Variants in ZNF786 observed in about 807,000 individuals in gnomAD.
ZNF786 encodes zinc finger protein 786.
A neutral mutation model predicts 63.1 loss-of-function variants in ZNF786; 56 were observed. The observed-to-expected ratio is 0.89, with a 90% confidence interval of 0.72 to 1.11. ZNF786 has a LOEUF of 1.11. ZNF786 is among the 50% of genes least tolerant of loss of function. The pLI is 0.00. For missense variants in ZNF786, 1,213 were observed against 1,041.8 expected (o/e 1.16, Z -2.26); for synonymous variants, 485 against 406.9 (o/e 1.19, Z -2.31).
rs1486635430 is a variant in ZNF786, at chr7:149,070,527, C to T, written c.2245G>A (p.Glu749Lys). The T allele has an allele frequency of 6.2e-7, 1 of 1,613,918 alleles. No individual in the cohort carries two copies. The highest frequency in any genetic ancestry group is 8.5e-7 in the Non-Finnish European group (1 of 1,179,912). Residue 749 changes from glutamate to lysine, a missense_variant, in exon 4 of 4, where the codon GAG (glutamate) becomes AAG (lysine). Coordinates refer to ENST00000491431, the MANE Select transcript of ZNF786 (RefSeq NM_152411.4). The stretch of plus-strand genomic sequence containing the variant: ...GATTTTGTGTGTACTCTGATGTGCT[C>T]CGCAAGCTTAGACTTGTAAATGAAG... ...KGFIYKSKLAEHIRVHTKSCP... is the reference protein window; with the variant it reads ...KGFIYKSKLAKHIRVHTKSCP...
At chr7:149,081,345 A>C (rs568884928) in intron 1 of ZNF786, 10 of 341,888 alleles carry the variant, frequency 2.9e-5, no homozygotes, top group African/African-American at 2.3e-4. Context: ...CTGAGGCAGG[A>C]GAATTGCTTG....
At chr7:149,074,693 A>C (rs562844796) in intron 2 of ZNF786, among the ~76,000 whole-genome samples, 155 bp from the exon 3 acceptor site, 1 of 151,576 alleles carries the variant, frequency 6.6e-6, no homozygotes, top group South Asian at 2.1e-4. Flanking sequence ...AACCGCCTAC[A>C]CATCCTAACA....
At chr7:149,073,747 GTATATATATATATATATATATATATATA>G (rs57987134) in intron 3 of ZNF786, among the ~76,000 whole-genome samples, 3 of 77,570 alleles carry the variant, frequency 3.9e-5, no homozygotes, top group South Asian at 5.7e-4. Flanking sequence ...GTGTGTGTGT[GTATATATATATATATATATATATATATA>G]TATATGTATA....
intron 2 of ZNF786, among the ~76,000 whole-genome samples, chr7:149,075,979 A>G (rs1444868700): frequency 6.6e-6 from 1 of 151,836 alleles, no homozygotes; most frequent in Non-Finnish European, 1.5e-5. Flanking sequence ...AGGTTTTTTG[A>G]AGATATGAGA....
Position 149,090,624 on chromosome 7 carries a change from C to T in ZNF786, c.17G>A (p.Arg6Gln), listed in dbSNP as rs961288468. Residue 6 changes from arginine (R) to glutamine (Q), a missense_variant and splice_region_variant, in exon 1 of 4, where the codon CGG becomes CAG. Transcript: ENST00000491431. The part of the protein sequence containing the change: MAEPP[R>Q]LPLTFEDVAI... ...GTCCAAACAGGCTAGCCCGCTTACC[C>T]GAGGCGGCTCCGCCATGGTCCCCGC... 5 of 1,591,360 alleles carry T rather than the reference C, an allele frequency of 3.1e-6. No individual in the cohort carries two copies. In the African/African-American group the frequency reaches 6.8e-5, roughly 22 times the overall value.
At chr7:149,083,602 G>A (rs1303161772) in intron 1 of ZNF786, among the ~76,000 whole-genome samples, 1 of 152,168 alleles carries the variant, frequency 6.6e-6, no homozygotes, top group African/African-American at 2.4e-5. Flanking sequence ...TAAATTGCAT[G>A]TTGTGGGGGT....
intron 3 of ZNF786, among the ~76,000 whole-genome samples, 157 bp from the exon 4 acceptor site, chr7:149,072,630 G>A (rs1825452634): frequency 6.6e-6 from 1 of 152,174 alleles, no homozygotes; most frequent in South Asian, 2.1e-4. Flanking sequence ...TCATGGCCGT[G>A]AGTTTGGTGA....
rs774520247 is a variant in ZNF786, at chr7:149,071,579, T to C, written c.1193A>G (p.Gln398Arg). Residue 398 changes from glutamine (Q) to arginine (R), a missense_variant, in exon 4 of 4, where the codon CAG becomes CGG. Physicochemically the swap from Gln to Arg is conservative, Grantham distance 43. Transcript: ENST00000491431. ...CRAHTGEKPF[Q>R]CAHCTKRFRL... ...GAAGCGCTTGGTGCAATGCGCACAC[T>C]GGAAGGGCTTTTCTCCAGTATGCGC... 2.5e-6 allele frequency: 4 copies of C among 1,610,868 alleles called. No homozygotes were observed. The highest frequency in any genetic ancestry group is 1.6e-4 in the Middle Eastern group (1 of 6,080).
In ZNF786 at chr7:149,071,019, G is replaced by GC; in HGVS notation, c.1752dup (p.Arg585AlafsTer68). On this transcript the variant is annotated frameshift_variant, in exon 4 of 4. Transcript: ENST00000491431. LOFTEE classifies it high-confidence loss of function. ...AAGGGTCTCTCCCCGCTGTGCACGCGCAAGTGCTCCGTGAGCTTGGATTGT... is the reference window on the plus strand; with the variant it reads ...AAGGGTCTCTCCCCGCTGTGCACGCGCCAAGTGCTCCGTGAGCTTGGATTGT... 1 of 1,610,676 alleles carries GC rather than the reference G, an allele frequency of 6.2e-7. No homozygotes were observed. Among genetic ancestry groups the GC allele is most frequent in the Non-Finnish European group, 8.5e-7 (1 of 1,179,428 alleles).
chr7:149,086,500 G>T (rs181879684), intron 1 of ZNF786, among the ~76,000 whole-genome samples: 33 of 152,094 alleles, frequency 2.2e-4, no homozygotes, highest in Admixed American at 1.6e-3. Flanking sequence ...TGGTGGCAGG[G>T]GCCTGTAATC....
intron 3 of ZNF786, among the ~76,000 whole-genome samples, chr7:149,073,415 G>A (rs1825468062): frequency 6.6e-6 from 1 of 151,966 alleles, no homozygotes; most frequent in Non-Finnish European, 1.5e-5. Context: ...CAGGCATGGT[G>A]GCTCACACCT....
chr7:149,076,035 A>C (rs1275078440), intron 2 of ZNF786, among the ~76,000 whole-genome samples: 2 of 152,034 alleles, frequency 1.3e-5, no homozygotes, highest in Non-Finnish European at 2.9e-5. Flanking sequence ...AGACATAAGC[A>C]CTACCCTGAA....
intron 1 of ZNF786, 53 bp downstream of exon 1, chr7:149,090,570 G>A (rs758810321): frequency 3.6e-5 from 55 of 1,532,356 alleles, no homozygotes; most frequent in Admixed American, 1.1e-4. Flanking sequence ...CCCGGAACCC[G>A]AGGACCCACC....
At chr7:149,078,616 G>A (rs1248144191) in intron 2 of ZNF786, among the ~76,000 whole-genome samples, 5 of 152,004 alleles carry the variant, frequency 3.3e-5, no homozygotes, top group East Asian at 3.9e-4. Flanking sequence ...CCCAGGAGGC[G>A]GAGGCTGCGG....
At chr7:149,075,523 G>A (rs565748926) in intron 2 of ZNF786, among the ~76,000 whole-genome samples, 73 of 152,138 alleles carry the variant, frequency 4.8e-4, no homozygotes, top group Non-Finnish European at 8.1e-4. Flanking sequence ...GCGATTACAG[G>A]CATGAGCCAC....
rs1427562254 is a variant in ZNF786 at position 149,071,722 on chromosome 7, C to G, written c.1050G>C (p.Gly350=). ...CCGTGTCCCCTTCCTGGTGGCTGTT[C>G]CCCTCCTGGGGCAGGCGCGAGCCTG... The part of the protein sequence containing the change: ...QKPGSRLPQE[G]NSHQEGDTEA... Residue 350 remains glycine, a synonymous_variant, in exon 4 of 4, where the codon GGG becomes GGC. Transcript: ENST00000491431. The G allele has an allele frequency of 2.5e-6, 4 of 1,583,384 alleles. No homozygotes were observed. The highest frequency in any genetic ancestry group is 3.4e-6 in the Non-Finnish European group (4 of 1,172,690).
At chr7:149,083,040 C>G (rs1454349817) in intron 1 of ZNF786, among the ~76,000 whole-genome samples, 5 of 151,318 alleles carry the variant, frequency 3.3e-5, no homozygotes, top group African/African-American at 1.2e-4. Context: ...GGATTACAGG[C>G]ACACGCCACC....
At chr7:149,081,204 G>C (rs1411539032) in intron 1 of ZNF786, 1 of 455,336 alleles carries the variant, frequency 2.2e-6, no homozygotes, top group Non-Finnish European at 4.4e-6. Context: ...TTGGGAGGCT[G>C]AGGCGGGCAG....
rs191059138 is a variant in ZNF786 at position 149,088,525 on chromosome 7, G to A, written c.18+2098C>T. Among the ~76,000 whole-genome samples, 6 of 152,240 alleles carry A rather than the reference G, an allele frequency of 3.9e-5. No individual in the cohort carries two copies. The South Asian group carries it at 6.2e-4, about 16-fold the overall frequency. ...ATGCTGTATTATTGCAGAACTGAAC[G>A]TATGTTTATACTTGTGTTAAAGATA... On this transcript the variant is annotated intron_variant, in intron 1 of 3. Coordinates refer to ENST00000491431, the MANE Select transcript of ZNF786 (RefSeq NM_152411.4).
Sources: gnomAD v4.1 joint callset for allele counts (sites outside exome capture counted in the v4.1 genomes callset) on GRCh38, gnomAD v4.1.1 for gene constraint, MANE v1.5 for transcripts, NCBI Gene and HGNC (gene_info 2026-07-23, HGNC 2026-07-21) for gene names.